CCDC13: variants seen among roughly 807,000 people sequenced by gnomAD.
The protein encoded by CCDC13 is coiled-coil domain-containing protein 13.
A neutral mutation model predicts 87.3 loss-of-function variants in CCDC13; 70 were observed. The observed-to-expected ratio is 0.80, with a 90% confidence interval of 0.66 to 0.98. The LOEUF (loss-of-function observed/expected upper bound fraction) is 0.98. Ranked by LOEUF, CCDC13 falls within the 50% of genes least tolerant of loss-of-function variation. The pLI is 0.00. For missense variants in CCDC13, 842 were observed against 892.0 expected (o/e 0.94, Z 0.71); for synonymous variants, 317 against 360.3 (o/e 0.88, Z 1.36).
chr3:42,754,016 C>T (rs972132186), intron 3 of CCDC13, among the ~76,000 whole-genome samples: 21 of 152,214 alleles, frequency 1.4e-4, no homozygotes, highest in African/African-American at 5.1e-4. Context: ...CTTGCCCTCT[C>T]TGGAGTGCAG....
intron 1 of CCDC13, among the ~76,000 whole-genome samples, chr3:42,770,059 G>T (rs1381403802): frequency 6.6e-6 from 1 of 152,268 alleles, no homozygotes; most frequent in African/African-American, 2.4e-5. Flanking sequence ...CGGGCACACA[G>T]CGGGACTGGC....
intron 2 of CCDC13, 100 bp downstream of exon 2, chr3:42,758,025 T>C: frequency 1.0e-6 from 1 of 977,142 alleles, no homozygotes; most frequent in Non-Finnish European, 1.5e-6. Context: ...TCTATCACTT[T>C]AGCTGCATTT....
At chr3:42,719,734 T>G (rs1293476709) in intron 13 of CCDC13, among the ~76,000 whole-genome samples, 1 of 150,310 alleles carries the variant, frequency 6.7e-6, no homozygotes, top group African/African-American at 2.4e-5. Flanking sequence ...CATGTGGCCA[T>G]GCTTTCTCTT....
At chr3:42,735,019 G>C (rs1166633248) in intron 10 of CCDC13, among the ~76,000 whole-genome samples, 1 of 152,246 alleles carries the variant, frequency 6.6e-6, no homozygotes, top group African/African-American at 2.4e-5. Flanking sequence ...ACAGGAAAAT[G>C]ACTACACAGC....
rs869136555 is a variant in CCDC13, at chr3:42,710,102, CT to C, written c.1874-305del. ...TTACAAGTTTCTGGTAATTTGTTTT[CT>C]TTTTTTTTTCTTTTTTTTTTTTTTG... is the stretch of plus-strand genomic sequence containing the variant. On this transcript the variant is annotated intron_variant, in intron 14 of 15. Transcript: ENST00000310232. 5.6e-3 allele frequency among the ~76,000 whole-genome samples: 805 copies of C among 144,878 alleles called. 9 individuals are homozygous for C. The highest frequency in any genetic ancestry group is 0.018 in the African/African-American group (714 of 39,250).
chr3:42,757,907 G>T (rs1474691027), intron 2 of CCDC13, among the ~76,000 whole-genome samples: 1 of 152,104 alleles, frequency 6.6e-6, no homozygotes, highest in African/African-American at 2.4e-5. Context: ...TTATTTATGG[G>T]TTAAGAAGAA....
At chr3:42,731,212 C>T (rs1698822087) in intron 12 of CCDC13, among the ~76,000 whole-genome samples, 2 of 151,872 alleles carry the variant, frequency 1.3e-5, no homozygotes, top group Non-Finnish European at 2.9e-5. Context: ...CCGCTGTGCC[C>T]CCACTTTTCC....
chr3:42,734,864 C>T (rs6777653), intron 10 of CCDC13, among the ~76,000 whole-genome samples: 2,813 of 152,338 alleles, frequency 0.018, 75 homozygotes, highest in African/African-American at 0.064. Flanking sequence ...CAAGCTGTGC[C>T]CTCAAGGCAC....
intron 7 of CCDC13, chr3:42,745,289 G>A (rs1378946533): frequency 6.6e-6 from 1 of 152,292 alleles, no homozygotes; most frequent in African/African-American, 2.4e-5. Context: ...CCTGTGCTGA[G>A]CATTTTACAA....
intron 12 of CCDC13, among the ~76,000 whole-genome samples, chr3:42,731,916 G>C (rs1559643981): frequency 1.3e-5 from 2 of 152,178 alleles, no homozygotes. Flanking sequence ...CAGCAGTCTG[G>C]GCAGCCAAGG....
In CCDC13 at chr3:42,707,165, C is replaced by T. The variant is rs1698198025; in HGVS notation, c.*1815G>A. On this transcript the variant is annotated 3_prime_UTR_variant, in exon 16 of 16. Transcript: ENST00000310232. ...CCTGTACCCCTCATACTCAGATCAC[C>T]CTCTGGAGCTCCTCAGGGCCTGCAG... Among the ~76,000 whole-genome samples the T allele has an allele frequency of 6.6e-6, 1 of 152,182 alleles. No individual in the cohort carries two copies. Among genetic ancestry groups the T allele is most frequent in the African/African-American group, 2.4e-5 (1 of 41,436 alleles).
intron 9 of CCDC13, among the ~76,000 whole-genome samples, chr3:42,738,173 T>C (rs1021107876): frequency 4.6e-5 from 7 of 152,216 alleles, no homozygotes; most frequent in Non-Finnish European, 8.8e-5. Context: ...AGGGAATCCT[T>C]CCCCCATTTC....
At chr3:42,747,090 AGGGCTGGTGGGAGGAAGGACT>A (rs1699424093) in intron 6 of CCDC13, 146 bp downstream of exon 6, 7 of 752,534 alleles carry the variant, frequency 9.3e-6, no homozygotes, top group Non-Finnish European at 1.7e-5. Context: ...TTATGGACCA[AGGGCTGGTGGGAGGAAGGACT>A]GGAACTGGAG....
intron 3 of CCDC13, among the ~76,000 whole-genome samples, chr3:42,756,427 A>C (rs1699705271): frequency 6.6e-6 from 1 of 152,054 alleles, no homozygotes; most frequent in South Asian, 2.1e-4. Context: ...TGAGGTCTCC[A>C]CCAACACAGC....
At chr3:42,711,108 T>C (rs1182465755) in intron 14 of CCDC13, among the ~76,000 whole-genome samples, 1 of 151,940 alleles carries the variant, frequency 6.6e-6, no homozygotes, top group Non-Finnish European at 1.5e-5. Flanking sequence ...TAGCAGGGTG[T>C]GGTGGCGAAC....
At chr3:42,717,195 G>A (rs1698449531) in intron 13 of CCDC13, among the ~76,000 whole-genome samples, 1 of 152,048 alleles carries the variant, frequency 6.6e-6, no homozygotes. Flanking sequence ...GGAGGCTGAA[G>A]CGGGTGGATC....
intron 1 of CCDC13, among the ~76,000 whole-genome samples, chr3:42,769,559 C>T (rs1337147294): frequency 1.4e-5 from 2 of 146,824 alleles, no homozygotes; most frequent in Non-Finnish European, 2.9e-5. Flanking sequence ...TGGCAGCCCT[C>T]GCAGCCCTCG....
At chr3:42,768,698 A>C (rs201926249) in intron 1 of CCDC13, among the ~76,000 whole-genome samples, 76 of 1,226 alleles carry the variant, frequency 0.062, no homozygotes, top group South Asian at 0.5. Flanking sequence ...CTCAAAAAAT[A>C]AAAAAAAATA....
intron 13 of CCDC13, among the ~76,000 whole-genome samples, chr3:42,722,897 C>T (rs1301215194): frequency 2.7e-5 from 4 of 150,646 alleles, no homozygotes; most frequent in African/African-American, 4.9e-5. Context: ...CCCAGGTTCA[C>T]GCCATTCTCC....
Sources: allele counts gnomAD v4.1 joint callset (sites outside exome capture counted in the v4.1 genomes callset), GRCh38; gene constraint gnomAD v4.1.1; transcripts MANE v1.5; gene names NCBI Gene and HGNC (gene_info 2026-07-23, HGNC 2026-07-21).